GPC5: variants seen among roughly 807,000 people sequenced by gnomAD.
GPC5 encodes the protein glypican-5.
A neutral mutation model predicts 53.9 loss-of-function variants in GPC5; 47 were observed. That is an observed-to-expected ratio of 0.87 (90% CI 0.69 to 1.11). The LOEUF is 1.11. Among genes scored for constraint, GPC5 ranks in the 50% most tolerant of loss-of-function variants. The pLI, the probability that GPC5 is intolerant of heterozygous loss-of-function variation, is 0.00. For synonymous variants in GPC5, 286 were observed against 263.3 expected, an observed-to-expected ratio of 1.09 and a Z score of -0.84; for missense variants, 748 against 713.1, an observed-to-expected ratio of 1.05 and a Z score of -0.56.
At chr13:92,148,245 G>A (rs767794794) in intron 7 of GPC5, among the ~76,000 whole-genome samples, 10 of 151,892 alleles carry the variant, frequency 6.6e-5, no homozygotes, top group Non-Finnish European at 1.2e-4. Context: ...AATGAAAAAA[G>A]TTGGTAAATA....
chr13:92,020,388 T>TA (rs1298368277), intron 6 of GPC5, among the ~76,000 whole-genome samples: 1 of 152,150 alleles, frequency 6.6e-6, no homozygotes, highest in Non-Finnish European at 1.5e-5. Context: ...AGTTTGTTGT[T>TA]AAGAGACAAA....
intron 7 of GPC5, among the ~76,000 whole-genome samples, chr13:92,573,792 T>G (rs1421847048): frequency 2.0e-5 from 3 of 152,110 alleles, no homozygotes; most frequent in Non-Finnish European, 4.4e-5. Context: ...CCTACAGCCC[T>G]CCCAATGTGG....
In GPC5 at chr13:91,756,587, A is replaced by G. The variant is rs1342827088; in HGVS notation, c.1280+167A>G. ...ACAAGGAAAAGAACAACAAAACCTGATCCTTTTAGGTATCTTAAAACTATA... is the reference window on the plus strand; with the variant it reads ...ACAAGGAAAAGAACAACAAAACCTGGTCCTTTTAGGTATCTTAAAACTATA... On this transcript the variant is annotated intron_variant, in intron 5 of 7. Coordinates refer to ENST00000377067, the MANE Select transcript of GPC5 (RefSeq NM_004466.6). 3 of 506,280 alleles carry G rather than the reference A, an allele frequency of 5.9e-6. No homozygotes were observed. The East Asian group carries it at 9.8e-5, about 17-fold the overall frequency. 31.4% of individuals were successfully genotyped at this position (506,280 alleles called of 1,614,324 possible).
chr13:91,681,033 A>C (rs935304436), intron 2 of GPC5, among the ~76,000 whole-genome samples: 5 of 151,996 alleles, frequency 3.3e-5, no homozygotes, highest in African/African-American at 1.2e-4. Context: ...ATGTATTTCT[A>C]TATATATATG....
intron 6 of GPC5, among the ~76,000 whole-genome samples, chr13:92,008,059 A>ATTTTTT (rs33911884): frequency 1.6e-5 from 2 of 127,204 alleles, no homozygotes; most frequent in African/African-American, 5.8e-5. Flanking sequence ...AATGAGAATA[A>ATTTTTT]TTTTTTTTTT....
chr13:92,347,885 T>TAATA lies in GPC5; in HGVS notation c.1561+202897_1561+202898insATAA, dbSNP rs1566549839. ...TATATTATATATATAATATATATTA[T>TAATA]ATATATTATATATATAATATATATA... On this transcript the variant is annotated intron_variant, in intron 7 of 7. Coordinates refer to ENST00000377067, the MANE Select transcript of GPC5 (RefSeq NM_004466.6). 1.1e-4 allele frequency among the ~76,000 whole-genome samples: 2 copies of TAATA among 17,970 alleles called. 1 individual carries two copies. Among genetic ancestry groups the TAATA allele is most frequent in the Non-Finnish European group, 1.6e-4 (2 of 12,816 alleles). 11.8% of individuals were successfully genotyped at this position (17,970 alleles called of 152,430 possible).
intron 2 of GPC5, among the ~76,000 whole-genome samples, chr13:91,590,448 T>C (rs1197153095): frequency 6.6e-6 from 1 of 152,140 alleles, no homozygotes; most frequent in Non-Finnish European, 1.5e-5. Context: ...CTATATTTTC[T>C]CTTAATAAAC....
chr13:92,511,770 T>A (rs1324158827), intron 7 of GPC5, among the ~76,000 whole-genome samples: 1 of 152,206 alleles, frequency 6.6e-6, no homozygotes, highest in African/African-American at 2.4e-5. Flanking sequence ...ACATTTTCCA[T>A]TGAGCAAGGG....
chr13:91,552,053 T>G (rs1007719127), intron 2 of GPC5, among the ~76,000 whole-genome samples: 9 of 152,254 alleles, frequency 5.9e-5, no homozygotes, highest in Non-Finnish European at 8.8e-5. Context: ...TAATTTTATT[T>G]TACTAAAAAA....
chr13:92,621,684 G>A (rs1251537699), intron 7 of GPC5, among the ~76,000 whole-genome samples: 1 of 152,036 alleles, frequency 6.6e-6, no homozygotes, highest in African/African-American at 2.4e-5. Flanking sequence ...GTTGGGTGTG[G>A]TGGCGGGCGC....
chr13:91,899,116 C>T (rs1003940001), intron 5 of GPC5, among the ~76,000 whole-genome samples: 6 of 152,082 alleles, frequency 3.9e-5, no homozygotes, highest in Non-Finnish European at 7.4e-5. Context: ...TAAACTAGCC[C>T]TTCATTGCTT....
chr13:92,777,712 A>G (rs896886693), intron 7 of GPC5, among the ~76,000 whole-genome samples: 32 of 152,154 alleles, frequency 2.1e-4, no homozygotes, highest in Admixed American at 1.4e-3. Flanking sequence ...TCCCTTTTCT[A>G]TTTGTTCCCT....
At chr13:92,738,572 ATGT>A (rs1472926652) in intron 7 of GPC5, among the ~76,000 whole-genome samples, 1 of 152,116 alleles carries the variant, frequency 6.6e-6, no homozygotes, top group Non-Finnish European at 1.5e-5. Context: ...AGGAATAATA[ATGT>A]TTAACGTAAA....
chr13:92,522,682 G>T (rs1266364575), intron 7 of GPC5, among the ~76,000 whole-genome samples: 1 of 152,060 alleles, frequency 6.6e-6, no homozygotes, highest in Non-Finnish European at 1.5e-5. Flanking sequence ...ATGAGTTAAT[G>T]GGTGAAGCAC....
chr13:92,289,390 A>T (rs9516043), intron 7 of GPC5, among the ~76,000 whole-genome samples: 12,996 of 152,110 alleles, frequency 0.085, 617 homozygotes, highest in Middle Eastern at 0.12. Flanking sequence ...TAAACACTGT[A>T]TATCAAAGAT....
intron 6 of GPC5, among the ~76,000 whole-genome samples, chr13:91,951,550 C>T (rs542212968): frequency 1.3e-5 from 2 of 152,226 alleles, no homozygotes; most frequent in African/African-American, 4.8e-5. Flanking sequence ...AGAAGAGACA[C>T]ACCTTCTGAA....
chr13:92,015,992 A>T (rs966703965), intron 6 of GPC5, among the ~76,000 whole-genome samples: 1 of 152,218 alleles, frequency 6.6e-6, no homozygotes, highest in Non-Finnish European at 1.5e-5. Context: ...TCTGCAGTGC[A>T]GGGAAATAAG....
Position 92,504,550 on chromosome 13 carries a change from G to A in GPC5, c.1561+359561G>A, listed in dbSNP as rs181784485. Among the ~76,000 whole-genome samples the A allele has an allele frequency of 1.6e-3, 236 of 151,902 alleles. 1 individual carries two copies. The highest frequency in any genetic ancestry group is 5.2e-3 in the African/African-American group (214 of 41,498). On this transcript the variant is annotated intron_variant, in intron 7 of 7. Coordinates refer to ENST00000377067, the MANE Select transcript of GPC5 (RefSeq NM_004466.6). The stretch of plus-strand genomic sequence containing the variant: ...GTGATAAAATAACCAAAACAATTGC[G>A]AATAAAGACAAAATGGGAGACTTTC...
At chr13:92,122,435 C>G (rs1443208213) in intron 6 of GPC5, among the ~76,000 whole-genome samples, 1 of 151,866 alleles carries the variant, frequency 6.6e-6, no homozygotes, top group Non-Finnish European at 1.5e-5. Flanking sequence ...GCTCCGATTA[C>G]GCTTCTGCTT....
Sources: allele counts gnomAD v4.1 joint callset (sites outside exome capture counted in the v4.1 genomes callset), GRCh38; gene constraint gnomAD v4.1.1; transcripts MANE v1.5; gene names NCBI Gene and HGNC (gene_info 2026-07-23, HGNC 2026-07-21).